The following JAKMIP1 variants were observed in gnomAD, a reference collection of about 807,000 sequenced individuals.
The protein encoded by JAKMIP1 is janus kinase and microtubule-interacting protein 1.
Under a neutral mutation model 113.0 loss-of-function variants are expected in JAKMIP1, and 33 were observed. The observed-to-expected ratio is 0.29, with a 90% CI of 0.22 to 0.39. JAKMIP1 has a LOEUF of 0.39. Among genes scored for constraint, JAKMIP1 ranks in the 10% least tolerant of loss-of-function variants. The pLI, the probability that JAKMIP1 is intolerant of heterozygous loss-of-function variation, is 1.00. For missense variants in JAKMIP1, 813 were observed against 1,080.5 expected (o/e 0.75, Z 3.47); for synonymous variants, 480 against 459.9 (o/e 1.04, Z -0.56).
At chr4:6,083,079 C>A (rs1720820383) in intron 5 of JAKMIP1, among the ~76,000 whole-genome samples, 1 of 152,004 alleles carries the variant, frequency 6.6e-6, no homozygotes, top group South Asian at 2.1e-4. Flanking sequence ...ATTTAAGAAC[C>A]ACTCCAAACT....
Position 6,185,826 on chromosome 4 carries a change from G to T in JAKMIP1, c.-148+14427C>A, listed in dbSNP as rs1000974688. 6.6e-6 allele frequency among the ~76,000 whole-genome samples: 1 copy of T among 152,182 alleles called. No individual in the cohort carries two copies. The highest frequency in any genetic ancestry group is 1.5e-5 in the Non-Finnish European group (1 of 68,034). On this transcript the variant is annotated intron_variant, in intron 1 of 20. Coordinates refer to ENST00000409021, the MANE Select transcript of JAKMIP1 (RefSeq NM_001099433.2). This position sits in a 1 kb window ranked among gnomAD's most constrained non-coding sequence, Gnocchi z 5.3. The stretch of plus-strand genomic sequence containing the variant: ...AACCCTCCTGATTAAGGCTCATTAA[G>T]GCAGGTGTTCTAGACAATACCTTTA...
chr4:6,152,129 G>A (rs1721639001), intron 1 of JAKMIP1, among the ~76,000 whole-genome samples: 1 of 152,066 alleles, frequency 6.6e-6, no homozygotes, highest in Non-Finnish European at 1.5e-5. Context: ...GGAAGAGAGG[G>A]AGGGTGGGAA....
intron 1 of JAKMIP1, among the ~76,000 whole-genome samples, chr4:6,172,940 A>G (rs564547310): frequency 6.6e-6 from 1 of 152,314 alleles, no homozygotes; most frequent in East Asian, 1.9e-4. Flanking sequence ...TAATCAGATG[A>G]TTGCACTGGG....
chr4:6,085,410 T>C lies in JAKMIP1; in HGVS notation c.834+10A>G, dbSNP rs1187444419. 1.2e-6 allele frequency: 2 copies of C among 1,610,718 alleles called. No homozygotes were observed. The highest frequency in any genetic ancestry group is 1.7e-5 in the Admixed American group (1 of 59,954). On this transcript the variant is annotated intron_variant, in intron 4 of 20. Transcript: ENST00000409021. ...CCAGCCTGAGGCTGGCACAAGCTGC[T>C]GCCCCTCACCTGGACGCCCATGAGC...
rs933927809 is a variant in JAKMIP1, at chr4:6,199,717, T to C, written c.-148+536A>G. Among the ~76,000 whole-genome samples, 15 of 151,320 alleles carry C rather than the reference T, an allele frequency of 9.9e-5. No individual in the cohort carries two copies. Among genetic ancestry groups the C allele is most frequent in the Non-Finnish European group, 1.8e-4 (12 of 67,804 alleles). ...GGGGTGGGGTGCGGGCTGGGCGGCC[T>C]CGCCTTCGGGCCCCGCGCCGCCGGG... On this transcript the variant is annotated intron_variant, in intron 1 of 20. Transcript: ENST00000409021. The surrounding 1 kb of genome is among the most constrained non-coding windows in gnomAD (Gnocchi z 5.6).
At position 6,108,307 on chromosome 4, in the gene JAKMIP1, G is replaced by C; in HGVS notation, c.130-2340C>G. The stretch of plus-strand genomic sequence containing the variant: ...CACCACCACTCCATCCAGCTGAGCA[G>C]GCCAAAAAAAGCCGCCCAGCACTTT... On this transcript the variant is annotated intron_variant, in intron 2 of 20. Transcript: ENST00000409021. This position sits in a 1 kb window ranked among gnomAD's most constrained non-coding sequence, Gnocchi z 5.6. Among the ~76,000 whole-genome samples, 1 of 152,114 alleles carries C rather than the reference G, an allele frequency of 6.6e-6. No individual in the cohort carries two copies. Among genetic ancestry groups the C allele is most frequent in the South Asian group, 2.1e-4 (1 of 4,814 alleles).
At chr4:6,124,788 T>G (rs1480562169) in intron 1 of JAKMIP1, among the ~76,000 whole-genome samples, 4 of 152,236 alleles carry the variant, frequency 2.6e-5, no homozygotes. Context: ...ACCTTCTAAC[T>G]GTCCCCAGTA....
Position 6,178,166 on chromosome 4 carries a change from A to G in JAKMIP1, c.-148+22087T>C, listed in dbSNP as rs1230700082. Among the ~76,000 whole-genome samples the G allele has an allele frequency of 6.6e-6, 1 of 152,198 alleles. No individual in the cohort carries two copies. Among genetic ancestry groups the G allele is most frequent in the Non-Finnish European group, 1.5e-5 (1 of 68,016 alleles). On this transcript the variant is annotated intron_variant, in intron 1 of 20. Coordinates refer to ENST00000409021, the MANE Select transcript of JAKMIP1 (RefSeq NM_001099433.2). This position sits in a 1 kb window ranked among gnomAD's most constrained non-coding sequence, Gnocchi z 5.5. ...AGAAGCCCAAGGCTTTGATATATTTAGCTTTGTCCCCCATGGGTATAAAAA... is the reference window on the plus strand; with the variant it reads ...AGAAGCCCAAGGCTTTGATATATTTGGCTTTGTCCCCCATGGGTATAAAAA...
At chr4:6,189,828 C>T (rs370852523) in intron 1 of JAKMIP1, among the ~76,000 whole-genome samples, 2 of 152,056 alleles carry the variant, frequency 1.3e-5, no homozygotes, top group African/African-American at 2.4e-5. Context: ...GTGGGGGAGG[C>T]GAACAGGCAG....
intron 13 of JAKMIP1, 41 bp downstream of exon 13, chr4:6,054,009 T>C: frequency 6.2e-7 from 1 of 1,614,176 alleles, no homozygotes; most frequent in Non-Finnish European, 8.5e-7. Flanking sequence ...AAAGAGAATG[T>C]CTGCTCCGTT....
chr4:6,091,926 C>T (rs930063219), intron 3 of JAKMIP1, among the ~76,000 whole-genome samples: 1 of 152,132 alleles, frequency 6.6e-6, no homozygotes, highest in African/African-American at 2.4e-5. Flanking sequence ...TCTCATCTCC[C>T]GCAGAGGGCC....
rs1384036247 is a variant in JAKMIP1, at chr4:6,183,379, C to T, written c.-148+16874G>A. Among the ~76,000 whole-genome samples the T allele has an allele frequency of 4.6e-5, 7 of 151,320 alleles. No individual in the cohort carries two copies. The highest frequency in any genetic ancestry group is 2.0e-4 in the East Asian group (1 of 5,128). ...CTGTAATACCAACTACTTGGGAGGC[C>T]GAGGCAGGAGAGTCGCTTGAACCTG... On this transcript the variant is annotated intron_variant, in intron 1 of 20. Transcript: ENST00000409021. This position sits in a 1 kb window ranked among gnomAD's most constrained non-coding sequence, Gnocchi z 5.3.
At chr4:6,165,378 C>T (rs1451477616) in intron 1 of JAKMIP1, among the ~76,000 whole-genome samples, 3 of 152,206 alleles carry the variant, frequency 2.0e-5, no homozygotes, top group Non-Finnish European at 2.9e-5. Context: ...CTCCACCTCC[C>T]GGGTTCAAGC....
intron 18 of JAKMIP1, among the ~76,000 whole-genome samples, chr4:6,037,519 T>C (rs1281858331): frequency 7.1e-6 from 1 of 140,928 alleles, no homozygotes; most frequent in Non-Finnish European, 1.5e-5. Flanking sequence ...GTTAACCCAG[T>C]AGCCCTCCAA....
At position 6,165,709 on chromosome 4, in the gene JAKMIP1, A is replaced by T. The variant is rs1723541266; in HGVS notation, c.-148+34544T>A. Among the ~76,000 whole-genome samples, 3 of 152,368 alleles carry T rather than the reference A, an allele frequency of 2.0e-5. No individual in the cohort carries two copies. In the South Asian group the frequency reaches 6.2e-4, roughly 32 times the overall value. On this transcript the variant is annotated intron_variant, in intron 1 of 20. Transcript: ENST00000409021. ...AAACATAACTTTTACAGGCACTGGGAAATCAAAAAATTCATGTGACTCGCT... is the reference window on the plus strand; with the variant it reads ...AAACATAACTTTTACAGGCACTGGGTAATCAAAAAATTCATGTGACTCGCT...
chr4:6,052,128 T>G (rs530730349), intron 13 of JAKMIP1, among the ~76,000 whole-genome samples: 3 of 152,032 alleles, frequency 2.0e-5, no homozygotes, highest in Non-Finnish European at 2.9e-5. Flanking sequence ...TCAATCAATT[T>G]CCATGAAGCC....
intron 1 of JAKMIP1, 102 bp from the exon 2 acceptor site, chr4:6,113,099 T>C (rs1165089177): frequency 1.9e-6 from 1 of 526,562 alleles, no homozygotes; most frequent in Non-Finnish European, 3.3e-6. Flanking sequence ...ATCTGGAGCA[T>C]GACCTGCCAC....
At chr4:6,145,317 G>T (rs1032342700) in intron 1 of JAKMIP1, among the ~76,000 whole-genome samples, 6 of 152,106 alleles carry the variant, frequency 3.9e-5, no homozygotes, top group Admixed American at 3.9e-4. Flanking sequence ...CAGAACCTCT[G>T]GGGTGAAGAG....
At position 6,059,669 on chromosome 4, in the gene JAKMIP1, C is replaced by T. The variant is rs959405593; in HGVS notation, c.1644+755G>A. ...ATGGGGCAGTTCCAAGATGGTGGTG[C>T]CCCCCTCCCTGAATCCCTGAGAGGC... On this transcript the variant is annotated intron_variant, in intron 11 of 20. Transcript: ENST00000409021. The surrounding 1 kb of genome is among the most constrained non-coding windows in gnomAD (Gnocchi z 4.8). Among the ~76,000 whole-genome samples, 2 of 152,042 alleles carry T rather than the reference C, an allele frequency of 1.3e-5. No homozygotes were observed.
Sources: gnomAD v4.1 joint callset for allele counts (sites outside exome capture counted in the v4.1 genomes callset) on GRCh38, gnomAD v4.1.1 for gene constraint, Gnocchi (gnomAD v3.1) non-coding constraint, MANE v1.5 for transcripts, NCBI Gene and HGNC (gene_info 2026-07-23, HGNC 2026-07-21) for gene names.